The following UBE4B variants were observed in gnomAD, a reference collection of about 807,000 sequenced individuals.
UBE4B encodes ubiquitin conjugation factor E4 B.
A neutral mutation model predicts 148.1 loss-of-function variants in UBE4B; 27 were observed. That is an observed-to-expected ratio of 0.18 (90% CI 0.13 to 0.25). UBE4B has a LOEUF of 0.25. UBE4B is among the 10% of genes least tolerant of loss of function. UBE4B has a pLI of 1.00. For synonymous variants in UBE4B, 596 were observed against 619.3 expected, an observed-to-expected ratio of 0.96 and a Z score of 0.56; for missense variants, 1,170 against 1,662.4, an observed-to-expected ratio of 0.70 and a Z score of 5.15.
At chr1:10,067,431 A>G (rs1232913380) in intron 1 of UBE4B, among the ~76,000 whole-genome samples, 1 of 151,960 alleles carries the variant, frequency 6.6e-6, no homozygotes, top group African/African-American at 2.4e-5. Flanking sequence ...TTAAAAAAGG[A>G]CTTTTGTTTA....
rs1471133109 is a variant in UBE4B, at chr1:10,180,276, TG to T, written c.*323del. 9.4e-6 allele frequency: 3 copies of T among 319,632 alleles called. No homozygotes were observed. The East Asian group carries it at 1.7e-4, about 19-fold the overall frequency. The allele number at this position is 319,632 out of a possible 1,614,324, so 19.8% of individuals were successfully genotyped here. A position where few individuals can be genotyped will look rare whatever the true frequency, so the allele number is the denominator to read the frequency against. On this transcript the variant is annotated 3_prime_UTR_variant, in exon 28 of 28. Transcript: ENST00000343090. ...GTCTTTTAGTGATGGCTAATGGGTC[TG>T]GGCAGCATCCCTTCATGAATTTTTT... is the stretch of plus-strand genomic sequence containing the variant.
At chr1:10,124,188 GTCTC>G (rs1645454939) in intron 10 of UBE4B, among the ~76,000 whole-genome samples, 1 of 151,704 alleles carries the variant, frequency 6.6e-6, no homozygotes, top group South Asian at 2.1e-4. Context: ...TTGAGGGTGA[GTCTC>G]TCTCTGTTAC....
intron 23 of UBE4B, among the ~76,000 whole-genome samples, chr1:10,162,735 G>A (rs1285674085): frequency 6.6e-6 from 1 of 151,790 alleles, no homozygotes; most frequent in Non-Finnish European, 1.5e-5. Flanking sequence ...TGTCACCCAG[G>A]GAGTGAGCAT....
chr1:10,149,027 C>T (rs938541835), intron 19 of UBE4B, among the ~76,000 whole-genome samples, 157 bp from the exon 20 acceptor site: 10 of 152,200 alleles, frequency 6.6e-5, no homozygotes, highest in Admixed American at 6.5e-5. Flanking sequence ...CTGTTCATTT[C>T]TGGTTGTAGT....
intron 1 of UBE4B, 59 bp downstream of exon 1, chr1:10,033,753 A>G: frequency 6.7e-7 from 1 of 1,493,470 alleles, no homozygotes; most frequent in Non-Finnish European, 8.9e-7. Flanking sequence ...CGCTTTGGAC[A>G]GGGATGGTAT....
chr1:10,075,751 T>C (rs1644566149), intron 2 of UBE4B, among the ~76,000 whole-genome samples: 1 of 152,184 alleles, frequency 6.6e-6, no homozygotes, highest in Admixed American at 6.5e-5. Context: ...TAAGACAGGT[T>C]ACATCTATTC....
intron 25 of UBE4B, among the ~76,000 whole-genome samples, chr1:10,172,388 G>C (rs1275025309): frequency 6.6e-6 from 1 of 152,178 alleles, no homozygotes; most frequent in African/African-American, 2.4e-5. Flanking sequence ...GTTCTGTAAA[G>C]TCTTTGTTTT....
intron 10 of UBE4B, 104 bp downstream of exon 10, chr1:10,122,180 G>GTGT (rs1481361639): frequency 2.9e-6 from 2 of 696,214 alleles, no homozygotes; most frequent in African/African-American, 3.5e-5. Flanking sequence ...GAACATCCAT[G>GTGT]TGTTATTAGA....
chr1:10,077,426 C>G (rs541632315), intron 2 of UBE4B, among the ~76,000 whole-genome samples: 2 of 152,270 alleles, frequency 1.3e-5, no homozygotes, highest in South Asian at 4.2e-4. Flanking sequence ...TCTGCTAAGA[C>G]CCTCCTTGCA....
intron 12 of UBE4B, among the ~76,000 whole-genome samples, 190 bp downstream of exon 12, chr1:10,129,638 C>A (rs1645559071): frequency 6.6e-6 from 1 of 152,030 alleles, no homozygotes; most frequent in Non-Finnish European, 1.5e-5. Context: ...TACAGTTGTT[C>A]ATTTCTATGA....
At chr1:10,105,434 G>A in intron 5 of UBE4B, 82 bp from the exon 6 acceptor site, 1 of 1,201,174 alleles carries the variant, frequency 8.3e-7, no homozygotes, top group Non-Finnish European at 1.2e-6. Flanking sequence ...CGAACCATTT[G>A]GGGTCAGCTG....
At chr1:10,137,283 A>G in intron 17 of UBE4B, 78 bp downstream of exon 17, 7 of 1,579,084 alleles carry the variant, frequency 4.4e-6, no homozygotes, top group South Asian at 1.1e-5. Flanking sequence ...CATTGTGAAC[A>G]GTAGTTTTGA....
intron 2 of UBE4B, among the ~76,000 whole-genome samples, chr1:10,086,128 C>G (rs4360526): frequency 6.6e-6 from 1 of 151,772 alleles, no homozygotes; most frequent in Non-Finnish European, 1.5e-5. Context: ...CCCGCCACCA[C>G]GCCAGGCTAA....
chr1:10,037,670 A>G (rs958587769), intron 1 of UBE4B, among the ~76,000 whole-genome samples: 1 of 151,310 alleles, frequency 6.6e-6, no homozygotes, highest in Non-Finnish European at 1.5e-5. Context: ...TGATCCTCCC[A>G]CCTCAGCCTC....
At chr1:10,146,930 G>T (rs768836336) in intron 18 of UBE4B, 33 bp from the exon 19 acceptor site, 3 of 1,610,930 alleles carry the variant, frequency 1.9e-6, no homozygotes, top group Admixed American at 3.3e-5. Context: ...GCTACTGACT[G>T]ATCTTTGGGT....
intron 2 of UBE4B, among the ~76,000 whole-genome samples, chr1:10,088,814 G>A (rs1455040399): frequency 6.6e-6 from 1 of 151,824 alleles, no homozygotes; most frequent in African/African-American, 2.4e-5. Context: ...GAGTAGCTGG[G>A]ACTACAGGCT....
At chr1:10,131,905 A>AT (rs1252950082) in intron 14 of UBE4B, among the ~76,000 whole-genome samples, 2 of 151,858 alleles carry the variant, frequency 1.3e-5, no homozygotes, top group Non-Finnish European at 2.9e-5. Context: ...CTGAGCCGAG[A>AT]TGTGCCACTG....
At position 10,033,381 on chromosome 1, in the gene UBE4B, A is replaced by G. The variant is rs1288912226; in HGVS notation, c.-290A>G. On this transcript the variant is annotated 5_prime_UTR_variant, in exon 1 of 28. Transcript: ENST00000343090. ...TGGGTAACCTGGGAAGCAGAGGGTA[A>G]TAAGTGGCGCCTTAAGACAACCCTG... 8 of 322,984 alleles carry G rather than the reference A, an allele frequency of 2.5e-5. No individual in the cohort carries two copies. In the East Asian group the frequency reaches 2.8e-4, roughly 11 times the overall value. The allele number at this position is 322,984 out of a possible 1,614,324, so 20.0% of individuals were successfully genotyped here.
At chr1:10,127,228 C>T (rs1645515488) in intron 11 of UBE4B, among the ~76,000 whole-genome samples, 5 of 151,432 alleles carry the variant, frequency 3.3e-5, no homozygotes, top group Admixed American at 3.3e-4. Flanking sequence ...ATTAAAAATG[C>T]AAATAAAAAA....
Sources: allele counts gnomAD v4.1 joint callset (sites outside exome capture counted in the v4.1 genomes callset), GRCh38; gene constraint gnomAD v4.1.1; transcripts MANE v1.5; gene names NCBI Gene and HGNC (gene_info 2026-07-23, HGNC 2026-07-21).